The following FAF1 variants were observed in gnomAD, a reference collection of about 807,000 sequenced individuals.
FAF1 encodes Fas associated factor 1.
Under a neutral mutation model 92.5 loss-of-function variants are expected in FAF1, and 25 were observed. That is an observed-to-expected ratio of 0.27 (90% confidence interval 0.20 to 0.38). The LOEUF (loss-of-function observed/expected upper bound fraction) is 0.38, where lower values mean the gene tolerates loss of function less well. Ranked by LOEUF, FAF1 falls within the 10% of genes least tolerant of loss-of-function variation. The probability of loss-of-function intolerance (pLI) is 1.00; values close to 1 mark genes in which losing one functional copy is unlikely to be tolerated. For synonymous variants in FAF1, 234 were observed against 273.2 expected (o/e 0.86, Z 1.42); for missense variants, 636 against 793.3 (o/e 0.80, Z 2.38).
chr1:50,729,036 A>ATCTATT (rs753561961), intron 6 of FAF1, among the ~76,000 whole-genome samples: 1 of 95,250 alleles, frequency 1.0e-5, no homozygotes, highest in Non-Finnish European at 1.9e-5. Flanking sequence ...CTATCTATCT[A>ATCTATT]TATATATATA....
intron 18 of FAF1, among the ~76,000 whole-genome samples, chr1:50,450,318 A>C (rs145451510): frequency 4.6e-4 from 70 of 152,288 alleles, no homozygotes; most frequent in Non-Finnish European, 7.3e-4. Context: ...CTATTATTTC[A>C]ATTTTACAGA....
intron 1 of FAF1, among the ~76,000 whole-genome samples, chr1:50,946,146 C>A (rs889788899): frequency 2.0e-5 from 3 of 152,230 alleles, no homozygotes; most frequent in African/African-American, 7.2e-5. Flanking sequence ...TTCTTTTCTG[C>A]CCACGTTAAG....
At chr1:50,779,991 G>GACAGAC (rs369288416) in intron 4 of FAF1, among the ~76,000 whole-genome samples, 4 of 145,440 alleles carry the variant, frequency 2.8e-5, no homozygotes, top group African/African-American at 7.6e-5. Context: ...CAGACAGACA[G>GACAGAC]ACACACACAC....
intron 4 of FAF1, among the ~76,000 whole-genome samples, chr1:50,769,045 T>G (rs1212213135): frequency 6.9e-6 from 1 of 144,654 alleles, no homozygotes; most frequent in East Asian, 2.0e-4. Context: ...TAAGTAGACT[T>G]AAAAAAAAAA....
chr1:50,852,388 A>G (rs1317340112), intron 2 of FAF1, among the ~76,000 whole-genome samples: 12 of 152,220 alleles, frequency 7.9e-5, no homozygotes. Context: ...TCAAGTATTC[A>G]TTAGGCAATT....
At chr1:50,576,401 A>C (rs1289162842) in intron 12 of FAF1, among the ~76,000 whole-genome samples, 1 of 152,212 alleles carries the variant, frequency 6.6e-6, no homozygotes, top group Non-Finnish European at 1.5e-5. Context: ...AGCTGTAATG[A>C]AATTACTAAT....
chr1:50,663,632 T>A (rs1479698172), intron 7 of FAF1, among the ~76,000 whole-genome samples: 1 of 151,454 alleles, frequency 6.6e-6, no homozygotes, highest in Admixed American at 6.6e-5. Context: ...CTCGAACTCC[T>A]GACCTCGTGA....
intron 13 of FAF1, among the ~76,000 whole-genome samples, chr1:50,563,935 G>C (rs1260665725): frequency 6.6e-6 from 1 of 152,056 alleles, no homozygotes; most frequent in Non-Finnish European, 1.5e-5. Context: ...AACATCACAG[G>C]GGTTATGACA....
intron 12 of FAF1, among the ~76,000 whole-genome samples, chr1:50,573,639 A>T (rs1650561255): frequency 6.6e-6 from 1 of 152,120 alleles, no homozygotes. Flanking sequence ...GCATCAACCA[A>T]ATTGGAGAGG....
chr1:50,900,954 T>C (rs1275212864), intron 1 of FAF1, among the ~76,000 whole-genome samples: 2 of 152,196 alleles, frequency 1.3e-5, no homozygotes, highest in African/African-American at 2.4e-5. Flanking sequence ...TGATTTCTAA[T>C]AGAGGTAAAA....
chr1:50,806,002 A>G (rs1476548190), intron 2 of FAF1, among the ~76,000 whole-genome samples: 1 of 152,224 alleles, frequency 6.6e-6, no homozygotes, highest in Non-Finnish European at 1.5e-5. Context: ...AAATGATGAA[A>G]AATAAAGAAT....
At chr1:50,956,670 C>T (rs552820482) in intron 1 of FAF1, among the ~76,000 whole-genome samples, 208 of 152,244 alleles carry the variant, frequency 1.4e-3, no homozygotes, top group African/African-American at 4.8e-3. Flanking sequence ...TGATTTGAGC[C>T]GGGTGCGGTG....
intron 9 of FAF1, 129 bp from the exon 10 acceptor site, chr1:50,584,940 T>A: frequency 1.2e-6 from 1 of 825,738 alleles, no homozygotes; most frequent in Non-Finnish European, 1.8e-6. Flanking sequence ...TTTGCTAGAG[T>A]AAAGCTTACT....
intron 13 of FAF1, among the ~76,000 whole-genome samples, chr1:50,561,686 C>T (rs548480274): frequency 2.0e-5 from 3 of 152,164 alleles, no homozygotes; most frequent in South Asian, 2.1e-4. Flanking sequence ...ATTAGCCAGG[C>T]GTGGTGGCAC....
chr1:50,523,527 A>G (rs1401128562), intron 15 of FAF1, among the ~76,000 whole-genome samples: 1 of 152,204 alleles, frequency 6.6e-6, no homozygotes, highest in Non-Finnish European at 1.5e-5. Context: ...GACATTGAGC[A>G]TCTTTCCATG....
intron 4 of FAF1, among the ~76,000 whole-genome samples, chr1:50,782,060 A>C (rs892933535): frequency 1.3e-5 from 2 of 152,248 alleles, no homozygotes; most frequent in Non-Finnish European, 2.9e-5. Flanking sequence ...GTAATATAAA[A>C]GTATAGCACA....
At chr1:50,651,957 A>G (rs1175691404) in intron 8 of FAF1, among the ~76,000 whole-genome samples, 1 of 152,220 alleles carries the variant, frequency 6.6e-6, no homozygotes, top group Non-Finnish European at 1.5e-5. Context: ...AAATTCAAGC[A>G]CTGGAGCTAG....
intron 4 of FAF1, among the ~76,000 whole-genome samples, chr1:50,763,368 T>C (rs963963667): frequency 6.6e-6 from 1 of 152,318 alleles, no homozygotes; most frequent in Middle Eastern, 3.4e-3. Flanking sequence ...TTTTTAACAA[T>C]TTGATAATGA....
chr1:50,587,326 A>AC (rs546895854), intron 9 of FAF1, among the ~76,000 whole-genome samples: 4 of 152,300 alleles, frequency 2.6e-5, no homozygotes, highest in African/African-American at 9.6e-5. Context: ...TCCTATAACC[A>AC]CAACATCTTC....
Sources: gnomAD v4.1 joint callset for allele counts (sites outside exome capture counted in the v4.1 genomes callset) on GRCh38, gnomAD v4.1.1 for gene constraint, MANE v1.5 for transcripts, NCBI Gene and HGNC (gene_info 2026-07-23, HGNC 2026-07-21) for gene names.